MTHFD2L: variants seen among roughly 807,000 people sequenced by gnomAD.
The protein encoded by MTHFD2L is bifunctional methylenetetrahydrofolate dehydrogenase/cyclohydrolase 2, mitochondrial.
MTHFD2L carries 29 observed loss-of-function variants against 34.9 expected under a neutral mutation model. The observed-to-expected ratio is 0.83, with a 90% CI of 0.62 to 1.13. The LOEUF (loss-of-function observed/expected upper bound fraction) is 1.13, where lower values mean the gene tolerates loss of function less well. MTHFD2L is among the 50% of genes most tolerant of loss of function. MTHFD2L has a pLI of 0.00. For synonymous variants in MTHFD2L, 167 were observed against 155.7 expected (o/e 1.07, Z -0.54); for missense variants, 481 against 446.5 (o/e 1.08, Z -0.70).
At chr4:74,277,737 G>A (rs1398092802) in intron 6 of MTHFD2L, among the ~76,000 whole-genome samples, 2 of 151,784 alleles carry the variant, frequency 1.3e-5, no homozygotes, top group African/African-American at 4.8e-5. Flanking sequence ...TTCCTGATTT[G>A]CAGTTTAACA....
At position 74,174,545 on chromosome 4, in the gene MTHFD2L, G is replaced by T; in HGVS notation, c.183G>T (p.Lys61Asn). 1.3e-6 allele frequency: 2 copies of T among 1,595,924 alleles called. No individual in the cohort carries two copies. Among genetic ancestry groups the T allele is most frequent in the Non-Finnish European group, 1.7e-6 (2 of 1,172,284 alleles). Reference protein sequence around the residue: ...AIIISGTEMAKHIQKEIQRGV... With the variant: ...AIIISGTEMANHIQKEIQRGV... ...TTATATCAGGAACCGAAATGGCCAAGCATATCCAGAAAGAAATACAGCGAG... is the reference window on the plus strand; with the variant it reads ...TTATATCAGGAACCGAAATGGCCAATCATATCCAGAAAGAAATACAGCGAG... Residue 61 changes from lysine (K) to asparagine (N), a missense_variant, in exon 2 of 8, where the codon AAG becomes AAT. By Grantham distance (94) the Lys-to-Asn change is moderately conservative. Transcript: ENST00000325278.
intron 4 of MTHFD2L, among the ~76,000 whole-genome samples, chr4:74,200,205 C>T (rs1295521204): frequency 6.6e-6 from 1 of 151,870 alleles, no homozygotes; most frequent in Admixed American, 6.6e-5. Context: ...CCAGCTACCT[C>T]GGAGGCTGAG....
chr4:74,230,820 TTTAAGGAA>T (rs1299579402), intron 6 of MTHFD2L, among the ~76,000 whole-genome samples: 2 of 152,140 alleles, frequency 1.3e-5, no homozygotes, highest in Non-Finnish European at 2.9e-5. Flanking sequence ...TCGTATCTGC[TTTAAGGAA>T]ACTGTAGGCT....
chr4:74,281,939 C>T (rs567192944), intron 7 of MTHFD2L, among the ~76,000 whole-genome samples: 1 of 152,230 alleles, frequency 6.6e-6, no homozygotes, highest in African/African-American at 2.4e-5. Flanking sequence ...GCCATTCACT[C>T]TTAGAGCCAG....
chr4:74,234,795 C>CTG (rs576512591), intron 6 of MTHFD2L, among the ~76,000 whole-genome samples: 1 of 113,662 alleles, frequency 8.8e-6, no homozygotes, highest in African/African-American at 5.0e-5. Context: ...GAAAAGGAGA[C>CTG]AGTGTGTGTG....
chr4:74,254,842 ATTAG>A (rs1354303454), intron 6 of MTHFD2L, among the ~76,000 whole-genome samples: 4 of 149,570 alleles, frequency 2.7e-5, no homozygotes, highest in African/African-American at 9.8e-5. Flanking sequence ...AGCTGCAAGA[ATTAG>A]TTAATTGGCT....
chr4:74,149,144 C>T (rs1241255672), intron 1 of MTHFD2L, among the ~76,000 whole-genome samples: 1 of 151,846 alleles, frequency 6.6e-6, no homozygotes, highest in Non-Finnish European at 1.5e-5. Flanking sequence ...CTTCTCAATT[C>T]TGATAGTGCC....
intron 3 of MTHFD2L, chr4:74,183,098 C>A: frequency 6.6e-6 from 1 of 151,734 alleles, no homozygotes; most frequent in Non-Finnish European, 1.5e-5. Flanking sequence ...AGAAAAAAAT[C>A]TTAAAAGCAA....
At position 74,296,350 on chromosome 4, in the gene MTHFD2L, A is replaced by G. The variant is rs527632621; in HGVS notation, c.932-5347A>G. 2.6e-5 allele frequency among the ~76,000 whole-genome samples: 4 copies of G among 152,258 alleles called. No individual in the cohort carries two copies. In the East Asian group the frequency reaches 7.7e-4, roughly 29 times the overall value. On this transcript the variant is annotated intron_variant, in intron 7 of 7. Coordinates refer to ENST00000325278, the MANE Select transcript of MTHFD2L (RefSeq NM_001144978.3). Reference sequence around the variant, plus strand: ...TGGCTGACATGGTGGACTGGGAGCCAAGAGGCTACTGTAGTAGATTATAAA... The same window carrying G: ...TGGCTGACATGGTGGACTGGGAGCCGAGAGGCTACTGTAGTAGATTATAAA...
chr4:74,247,659 T>C (rs1411542275), intron 6 of MTHFD2L, among the ~76,000 whole-genome samples: 4 of 152,216 alleles, frequency 2.6e-5, no homozygotes, highest in Admixed American at 6.5e-5. Context: ...GTCCCATCAA[T>C]ACCTAATTTA....
At chr4:74,228,264 G>T (rs1411100913) in intron 6 of MTHFD2L, among the ~76,000 whole-genome samples, 1 of 152,176 alleles carries the variant, frequency 6.6e-6, no homozygotes, top group Admixed American at 6.6e-5. Flanking sequence ...TGGCAGATAA[G>T]TATTATACTG....
intron 6 of MTHFD2L, among the ~76,000 whole-genome samples, chr4:74,244,285 TG>T (rs1742115171): frequency 6.6e-6 from 1 of 152,156 alleles, no homozygotes; most frequent in South Asian, 2.1e-4. Context: ...AGTCTTCACT[TG>T]GGGGTAGAGA....
chr4:74,156,288 T>C (rs1209218354), upstream of MTHFD2L, among the ~76,000 whole-genome samples: 1 of 152,224 alleles, frequency 6.6e-6, no homozygotes, highest in Non-Finnish European at 1.5e-5. Context: ...TAACTGACTC[T>C]ATAATTTTGC....
chr4:74,134,527 A>C (rs1241665820), intron 1 of MTHFD2L, among the ~76,000 whole-genome samples: 2 of 152,160 alleles, frequency 1.3e-5, no homozygotes, highest in Non-Finnish European at 2.9e-5. Context: ...AACTAGACAG[A>C]TAAAGCTGGA....
intron 1 of MTHFD2L, among the ~76,000 whole-genome samples, chr4:74,169,055 A>G (rs1207508111): frequency 6.6e-6 from 1 of 152,164 alleles, no homozygotes; most frequent in Non-Finnish European, 1.5e-5. Flanking sequence ...CTGAGTCTCT[A>G]CGGTGACTGA....
chr4:74,263,524 C>A (rs1744934004), intron 6 of MTHFD2L, among the ~76,000 whole-genome samples: 1 of 151,834 alleles, frequency 6.6e-6, no homozygotes, highest in Non-Finnish European at 1.5e-5. Flanking sequence ...TAGTAGTTCT[C>A]CTTGTAGAGA....
intron 7 of MTHFD2L, among the ~76,000 whole-genome samples, chr4:74,286,708 AC>A (rs1423426645): frequency 6.6e-5 from 10 of 152,108 alleles, no homozygotes; most frequent in Non-Finnish European, 7.4e-5. Context: ...ACATTTCTCT[AC>A]CCTTTTGAAG....
chr4:74,302,557 T>C lies in MTHFD2L; in HGVS notation c.*748T>C, dbSNP rs1423556187. 2 of 152,114 alleles carry C rather than the reference T, an allele frequency of 1.3e-5. No individual in the cohort carries two copies. The highest frequency in any genetic ancestry group is 2.9e-5 in the Non-Finnish European group (2 of 67,988). 9.4% of individuals were successfully genotyped at this position (152,114 alleles called of 1,614,324 possible). The stretch of plus-strand genomic sequence containing the variant: ...AGAATGTGTTAGGTTTAAACGTCGT[T>C]TCTTTCTTCTAAAAAATATTTGGTT... On this transcript the variant is annotated 3_prime_UTR_variant, in exon 8 of 8. Transcript: ENST00000325278.
chr4:74,265,168 G>T (rs1328583988), intron 6 of MTHFD2L, among the ~76,000 whole-genome samples: 1 of 152,108 alleles, frequency 6.6e-6, no homozygotes, highest in Admixed American at 6.6e-5. Flanking sequence ...CTATGGTTTG[G>T]TGGGGGATTG....
Sources: allele counts gnomAD v4.1 joint callset (sites outside exome capture counted in the v4.1 genomes callset), GRCh38; gene constraint gnomAD v4.1.1; transcripts MANE v1.5; gene names NCBI Gene and HGNC (gene_info 2026-07-23, HGNC 2026-07-21).